PIK3C2G: variants seen among roughly 807,000 people sequenced by gnomAD.
The protein encoded by PIK3C2G is phosphatidylinositol 3-kinase C2 domain-containing subunit gamma.
A neutral mutation model predicts 181.1 loss-of-function variants in PIK3C2G; 168 were observed. The observed-to-expected ratio is 0.93, with a 90% CI of 0.82 to 1.05. PIK3C2G has a LOEUF of 1.05. Among genes scored for constraint, PIK3C2G ranks in the 50% least tolerant of loss-of-function variants. The probability of loss-of-function intolerance (pLI) is 0.00; values close to 1 mark genes in which losing one functional copy is unlikely to be tolerated. For missense variants in PIK3C2G, 1,869 were observed against 1,732.8 expected, an observed-to-expected ratio of 1.08 and a Z score of -1.40; for synonymous variants, 573 against 592.2, an observed-to-expected ratio of 0.97 and a Z score of 0.47.
intron 30 of PIK3C2G, among the ~76,000 whole-genome samples, chr12:18,596,618 G>T: frequency 6.6e-6 from 1 of 152,022 alleles, no homozygotes; most frequent in East Asian, 1.9e-4. Flanking sequence ...CAATTGTCAG[G>T]GTTAAGAGGA....
chr12:18,630,305 T>A (rs1949296501), intron 31 of PIK3C2G, among the ~76,000 whole-genome samples: 1 of 152,026 alleles, frequency 6.6e-6, no homozygotes, highest in African/African-American at 2.4e-5. Context: ...GGCAGGAGAA[T>A]CACTCAAACC....
chr12:18,455,537 T>C (rs1354059668), intron 18 of PIK3C2G, among the ~76,000 whole-genome samples: 1 of 152,142 alleles, frequency 6.6e-6, no homozygotes, highest in Non-Finnish European at 1.5e-5. Context: ...TGAGCTGCTA[T>C]AACAAAAATA....
chr12:18,658,426 T>A, the PIK3C2G span, among the ~76,000 whole-genome samples: 9 of 152,006 alleles, frequency 5.9e-5, no homozygotes, highest in Admixed American at 2.0e-4. Flanking sequence ...TAAAGAATCG[T>A]AAAAGCAGCA....
chr12:18,473,048 T>G (rs535180011), intron 18 of PIK3C2G, among the ~76,000 whole-genome samples: 1 of 152,172 alleles, frequency 6.6e-6, no homozygotes, highest in African/African-American at 2.4e-5. Context: ...CAAGGTTCAT[T>G]AGAGCTCTCT....
intron 24 of PIK3C2G, among the ~76,000 whole-genome samples, chr12:18,526,849 T>G (rs905047678): frequency 1.3e-5 from 2 of 152,160 alleles, no homozygotes; most frequent in Non-Finnish European, 2.9e-5. Context: ...CTATTACTTC[T>G]CCCTTTTTGA....
At chr12:18,387,538 T>C (rs1483631429) in intron 14 of PIK3C2G, among the ~76,000 whole-genome samples, 1 of 152,114 alleles carries the variant, frequency 6.6e-6, no homozygotes, top group African/African-American at 2.4e-5. Context: ...CCCTTCACCC[T>C]CCACTGTCCA....
chr12:18,520,002 T>TAAAAAAAAAA (rs889312316), intron 24 of PIK3C2G, among the ~76,000 whole-genome samples: 8 of 46,314 alleles, frequency 1.7e-4, no homozygotes, highest in African/African-American at 2.5e-4. Flanking sequence ...CAATAAATAC[T>TAAAAAAAAAA]AAAAAAAAAA....
At chr12:18,650,074 C>T (rs1299065092), downstream of PIK3C2G, among the ~76,000 whole-genome samples, 1 of 152,006 alleles carries the variant, frequency 6.6e-6, no homozygotes, top group African/African-American at 2.4e-5. Context: ...CAGAATACCT[C>T]CCAGATTCCA....
the PIK3C2G span, chr12:18,701,423 A>T: frequency 1.2e-6 from 2 of 1,601,764 alleles, no homozygotes; most frequent in Non-Finnish European, 1.7e-6. Context: ...TTTTCTCCAG[A>T]ATTTTAAAAA....
At chr12:18,592,586 T>G (rs1476260694) in intron 29 of PIK3C2G, among the ~76,000 whole-genome samples, 1 of 151,840 alleles carries the variant, frequency 6.6e-6, no homozygotes, top group Non-Finnish European at 1.5e-5. Flanking sequence ...AGAAGTGGAA[T>G]CAGTGTGAGT....
upstream of PIK3C2G, among the ~76,000 whole-genome samples, chr12:18,261,164 C>G (rs182848506): frequency 1.1e-4 from 17 of 152,220 alleles, no homozygotes; most frequent in Admixed American, 5.9e-4. Flanking sequence ...ACTGGTTTCA[C>G]CACATCCAAC....
At chr12:18,372,877 A>G (rs1341084374) in intron 13 of PIK3C2G, among the ~76,000 whole-genome samples, 1 of 152,156 alleles carries the variant, frequency 6.6e-6, no homozygotes, top group African/African-American at 2.4e-5. Context: ...GTCACAGAAG[A>G]TGAGCATTTG....
intron 16 of PIK3C2G, 145 bp from the exon 17 acceptor site, chr12:18,420,796 G>T (rs1477805550): frequency 1.2e-5 from 6 of 515,116 alleles, no homozygotes; most frequent in East Asian, 9.6e-5. Flanking sequence ...AGAATTATTT[G>T]GTGCTAATAT....
At chr12:18,503,210 G>T (rs1941613302) in intron 22 of PIK3C2G, 71 bp from the exon 23 acceptor site, 3 of 1,175,100 alleles carry the variant, frequency 2.6e-6, no homozygotes, top group East Asian at 5.0e-5. Context: ...AGCTATTGTT[G>T]TTATATTTCC....
intron 29 of PIK3C2G, among the ~76,000 whole-genome samples, chr12:18,590,395 T>C (rs891891465): frequency 1.3e-5 from 2 of 151,932 alleles, no homozygotes; most frequent in African/African-American, 4.8e-5. Context: ...AGTAAAAGTA[T>C]GTCCAAAATA....
intron 29 of PIK3C2G, among the ~76,000 whole-genome samples, chr12:18,586,253 CA>C (rs150925858): frequency 1.3e-5 from 2 of 152,004 alleles, no homozygotes; most frequent in East Asian, 3.9e-4. Context: ...GATCAAGACA[CA>C]AAAAACCTCA....
intron 14 of PIK3C2G, 95 bp from the exon 15 acceptor site, chr12:18,391,027 T>G: frequency 1.2e-6 from 1 of 803,230 alleles, no homozygotes; most frequent in Non-Finnish European, 1.8e-6. Flanking sequence ...ATTTATTCTG[T>G]TCTTTAGTTT....
At chr12:18,675,264 C>G in the PIK3C2G span, among the ~76,000 whole-genome samples, 7 of 152,130 alleles carry the variant, frequency 4.6e-5, no homozygotes, top group Admixed American at 4.6e-4. Context: ...CTTAGTCCAG[C>G]CAAATTGTAG....
intron 30 of PIK3C2G, among the ~76,000 whole-genome samples, chr12:18,603,304 C>A (rs1015197888): frequency 1.7e-4 from 26 of 151,964 alleles, no homozygotes; most frequent in Non-Finnish European, 2.6e-4. Flanking sequence ...TTTGAATTAA[C>A]CTTGTCTAAC....
Sources: allele counts gnomAD v4.1 joint callset (sites outside exome capture counted in the v4.1 genomes callset), GRCh38; gene constraint gnomAD v4.1.1; transcripts MANE v1.5; gene names NCBI Gene and HGNC (gene_info 2026-07-23, HGNC 2026-07-21).